HCRTR2: variants seen among roughly 807,000 people sequenced by gnomAD.
HCRTR2 encodes orexin receptor type 2.
HCRTR2 carries 22 observed loss-of-function variants against 49.0 expected under a neutral mutation model. The ratio of observed to expected loss-of-function variants is 0.45; its 90% CI spans 0.32 to 0.64. The LOEUF (loss-of-function observed/expected upper bound fraction) is 0.64, where lower values mean the gene tolerates loss of function less well. Among genes scored for constraint, HCRTR2 ranks in the 30% least tolerant of loss-of-function variants. The pLI is 0.04. For missense variants in HCRTR2, 491 were observed against 559.4 expected, an observed-to-expected ratio of 0.88 and a Z score of 1.23; for synonymous variants, 236 against 205.3, an observed-to-expected ratio of 1.15 and a Z score of -1.28.
chr6:55,158,197 A>T (rs906590099), intron 1 of HCRTR2, among the ~76,000 whole-genome samples: 3 of 152,272 alleles, frequency 2.0e-5, no homozygotes, highest in African/African-American at 7.2e-5. Context: ...CTGGGGAAGC[A>T]CAAGGGGATG....
At chr6:55,186,840 G>T (rs1339169415) in intron 1 of HCRTR2, among the ~76,000 whole-genome samples, 1 of 152,118 alleles carries the variant, frequency 6.6e-6, no homozygotes, top group Non-Finnish European at 1.5e-5. Context: ...CATGCCCATA[G>T]AGCCTAAGCT....
At chr6:55,179,541 T>C (rs1202858815) in intron 1 of HCRTR2, among the ~76,000 whole-genome samples, 1 of 152,196 alleles carries the variant, frequency 6.6e-6, no homozygotes, top group African/African-American at 2.4e-5. Context: ...GGCTATTTCA[T>C]AGATAACAGC....
intron 1 of HCRTR2, among the ~76,000 whole-genome samples, chr6:55,219,723 TAGAA>T (rs1214082252): frequency 6.6e-6 from 1 of 151,582 alleles, no homozygotes; most frequent in Non-Finnish European, 1.5e-5. Flanking sequence ...ATAAATTAAA[TAGAA>T]AGTAGAAAAT....
rs1764027779 is a variant in HCRTR2 at position 55,110,020 on chromosome 6, T to A, written c.-378+3475T>A. 2.0e-5 allele frequency among the ~76,000 whole-genome samples: 3 copies of A among 152,062 alleles called. No homozygotes were observed. The South Asian group carries it at 6.2e-4, about 32-fold the overall frequency. ...AAAACCTAGCAGATAAACAGCAGAT[T>A]TGTCAGCAGAGACCCTACAAGATAG... On this transcript the variant is annotated intron_variant, in intron 1 of 7. Coordinates refer to the HCRTR2 transcript ENST00000615358.
chr6:55,126,850 G>T, intron 1 of HCRTR2, among the ~76,000 whole-genome samples: 1 of 152,142 alleles, frequency 6.6e-6, no homozygotes, highest in Non-Finnish European at 1.5e-5. Flanking sequence ...CTTCCTGGCT[G>T]CTTTGTTTAT....
chr6:55,136,597 A>G (rs1764438277), intron 1 of HCRTR2, among the ~76,000 whole-genome samples: 2 of 152,198 alleles, frequency 1.3e-5, no homozygotes, highest in African/African-American at 2.4e-5. Flanking sequence ...AAAATATATT[A>G]TATCATCTTG....
At chr6:55,134,298 G>C (rs552124454) in intron 1 of HCRTR2, among the ~76,000 whole-genome samples, 14 of 151,624 alleles carry the variant, frequency 9.2e-5, no homozygotes, top group Non-Finnish European at 2.1e-4. Context: ...AACACAGTAT[G>C]ATAAAGAAAT....
At chr6:55,112,220 C>T (rs1426186128) in intron 1 of HCRTR2, among the ~76,000 whole-genome samples, 2 of 151,910 alleles carry the variant, frequency 1.3e-5, no homozygotes, top group Admixed American at 6.6e-5. Flanking sequence ...GGCATTCCCC[C>T]TGAGAACTGA....
chr6:55,121,506 A>G (rs12204566), intron 1 of HCRTR2, among the ~76,000 whole-genome samples: 33,961 of 151,396 alleles, frequency 0.22, 4,706 homozygotes, highest in Non-Finnish European at 0.31. Context: ...AACTTCCAAC[A>G]CTATGTTGAG....
chr6:55,248,770 A>T lies in HCRTR2; in HGVS notation c.355A>T (p.Thr119Ser). The T allele has an allele frequency of 6.2e-7, 1 of 1,613,452 alleles. No individual in the cohort carries two copies. The highest frequency in any genetic ancestry group is 8.5e-7 in the Non-Finnish European group (1 of 1,179,524). Residue 119 changes from threonine (T) to serine (S), a missense_variant, in exon 2 of 7, where the codon ACC becomes TCC. Thr to Ser is a moderately conservative substitution (Grantham distance 58). Coordinates refer to ENST00000370862, the MANE Select transcript of HCRTR2 (RefSeq NM_001384272.1). Reference sequence around the variant, plus strand: ...CACACTGGTCGTGGATATCACTGAGACCTGGTTTTTTGGACAGTCCCTTTG... The same window carrying T: ...CACACTGGTCGTGGATATCACTGAGTCCTGGTTTTTTGGACAGTCCCTTTG... The part of the protein sequence containing the change: ...PATLVVDITE[T>S]WFFGQSLCKV...
chr6:55,120,444 T>G (rs1335194810), intron 1 of HCRTR2, among the ~76,000 whole-genome samples: 1 of 152,126 alleles, frequency 6.6e-6, no homozygotes, highest in Non-Finnish European at 1.5e-5. Flanking sequence ...AGCAGTGGTT[T>G]GCAGTTCTCG....
intron 1 of HCRTR2, among the ~76,000 whole-genome samples, chr6:55,112,815 G>A (rs1455092980): frequency 6.6e-6 from 1 of 151,538 alleles, no homozygotes; most frequent in Non-Finnish European, 1.5e-5. Flanking sequence ...TACCATGAAA[G>A]AGCCCACATA....
chr6:55,183,075 G>A (rs556025194), intron 1 of HCRTR2, among the ~76,000 whole-genome samples: 77 of 152,288 alleles, frequency 5.1e-4, no homozygotes, highest in African/African-American at 1.8e-3. Context: ...CAATTATTGT[G>A]CTTGGATTGA....
intron 1 of HCRTR2, among the ~76,000 whole-genome samples, chr6:55,228,165 G>A (rs911638342): frequency 2.2e-4 from 33 of 152,024 alleles, no homozygotes; most frequent in African/African-American, 5.3e-4. Flanking sequence ...AGCATCATAC[G>A]AATAATGATA....
At chr6:55,121,159 G>T (rs1258505294) in intron 1 of HCRTR2, among the ~76,000 whole-genome samples, 2 of 152,066 alleles carry the variant, frequency 1.3e-5, no homozygotes, top group Non-Finnish European at 2.9e-5. Context: ...GTTGAGCGTG[G>T]TTTGTAGTTC....
At chr6:55,175,535 T>C (rs1411416735) in intron 1 of HCRTR2, among the ~76,000 whole-genome samples, 1 of 152,098 alleles carries the variant, frequency 6.6e-6, no homozygotes, top group Non-Finnish European at 1.5e-5. Flanking sequence ...AGTCTGCTTG[T>C]TGCCAGGCTC....
intron 1 of HCRTR2, among the ~76,000 whole-genome samples, chr6:55,226,365 A>G (rs953960544): frequency 6.6e-6 from 1 of 151,778 alleles, no homozygotes; most frequent in Non-Finnish European, 1.5e-5. Flanking sequence ...CTGGAGTGCA[A>G]TGGTACCATT....
At chr6:55,122,717 T>C (rs999621257) in intron 1 of HCRTR2, among the ~76,000 whole-genome samples, 6 of 151,940 alleles carry the variant, frequency 3.9e-5, no homozygotes, top group African/African-American at 1.5e-4. Flanking sequence ...GGAACCAACC[T>C]AAATGTCCAA....
chr6:55,149,245 G>A (rs577419753), intron 1 of HCRTR2, among the ~76,000 whole-genome samples: 1 of 152,050 alleles, frequency 6.6e-6, no homozygotes, highest in East Asian at 1.9e-4. Context: ...AATGCTAAAA[G>A]TCCAAAATAT....
Sources: allele counts gnomAD v4.1 joint callset (sites outside exome capture counted in the v4.1 genomes callset), GRCh38; gene constraint gnomAD v4.1.1; transcripts MANE v1.5; gene names NCBI Gene and HGNC (gene_info 2026-07-23, HGNC 2026-07-21).